SLC12A2: variants seen among roughly 807,000 people sequenced by gnomAD.
The protein encoded by SLC12A2 is solute carrier family 12 member 2.
Under a neutral mutation model 136.3 loss-of-function variants are expected in SLC12A2, and 67 were observed. The ratio of observed to expected loss-of-function variants is 0.49; its 90% CI spans 0.40 to 0.60. The LOEUF (loss-of-function observed/expected upper bound fraction) is 0.60. Among genes scored for constraint, SLC12A2 ranks in the 20% least tolerant of loss-of-function variants. The pLI, the probability that SLC12A2 is intolerant of heterozygous loss-of-function variation, is 0.00. For synonymous variants in SLC12A2, 619 were observed against 562.9 expected, an observed-to-expected ratio of 1.10 and a Z score of -1.41; for missense variants, 1,322 against 1,534.7, an observed-to-expected ratio of 0.86 and a Z score of 2.32.
intron 10 of SLC12A2, among the ~76,000 whole-genome samples, chr5:128,142,505 G>C (rs1371090206): frequency 6.6e-6 from 1 of 152,010 alleles, no homozygotes; most frequent in Non-Finnish European, 1.5e-5. Flanking sequence ...GCCCCTAGGA[G>C]GTAATGCTTT....
Position 128,181,007 on chromosome 5 carries a change from C to T in SLC12A2, c.3212+13C>T. 7.0e-7 allele frequency: 1 copy of T among 1,435,206 alleles called. No homozygotes were observed. Among genetic ancestry groups the T allele is most frequent in the South Asian group, 1.1e-5 (1 of 86,966 alleles). 88.9% of individuals were successfully genotyped at this position (1,435,206 alleles called of 1,614,324 possible). On this transcript the variant is annotated intron_variant, in intron 23 of 26. Coordinates refer to ENST00000262461, the MANE Select transcript of SLC12A2 (RefSeq NM_001046.3). ...ATGACCGGAGAGCGTAAGTTTATTT[C>T]ACATTGAAGGGCATGAATCTATTAG...
chr5:128,188,299 T>G lies in SLC12A2; in HGVS notation c.*1668T>G, dbSNP rs1159310167. On this transcript the variant is annotated 3_prime_UTR_variant, in exon 27 of 27. Coordinates refer to ENST00000262461, the MANE Select transcript of SLC12A2 (RefSeq NM_001046.3). ...AGGTTTTCACGAATCCTTTTTTTTT[T>G]TTTTTTTTTTTTTTGAGACGGAGTC... 1 of 145,178 alleles carries G rather than the reference T, an allele frequency of 6.9e-6. No individual in the cohort carries two copies. The highest frequency in any genetic ancestry group is 1.5e-5 in the Non-Finnish European group (1 of 66,270). The allele number at this position is 145,178 out of a possible 1,614,324, so 9.0% of individuals were successfully genotyped here. A position where few individuals can be genotyped will look rare whatever the true frequency, so the allele number is the denominator to read the frequency against.
intron 1 of SLC12A2, among the ~76,000 whole-genome samples, chr5:128,094,115 C>T (rs149838825): frequency 1.6e-3 from 248 of 151,818 alleles, no homozygotes; most frequent in African/African-American, 5.6e-3. Flanking sequence ...CCCTTAATGG[C>T]TTTAGTTAGT....
At chr5:128,165,268 T>C (rs1466287069) in intron 17 of SLC12A2, among the ~76,000 whole-genome samples, 1 of 152,218 alleles carries the variant, frequency 6.6e-6, no homozygotes, top group Non-Finnish European at 1.5e-5. Context: ...CCTTTTCCCT[T>C]TAAATTTTTT....
At position 128,134,181 on chromosome 5, in the gene SLC12A2, T is replaced by C. The variant is rs760124697; in HGVS notation, c.1205T>C (p.Met402Thr). The change falls in exon 6 of 27, where the codon ATG becomes ACG. Residue 402 changes from methionine to threonine, a missense_variant. Met to Thr is a moderately conservative substitution (Grantham distance 81). This residue lies in a region of SLC12A2 where 110 missense variants were observed against 114.5 expected (regional missense o/e 0.96). Coordinates refer to ENST00000262461, the MANE Select transcript of SLC12A2 (RefSeq NM_001046.3). ...TTTTTCTAGGAACATTCCATACTTA[T>C]GATAGATGAAATCAATGATATCCGA... ...VELLKEHSIL[M>T]IDEINDIRII... The C allele has an allele frequency of 6.4e-6, 10 of 1,570,378 alleles. No individual in the cohort carries two copies. Among genetic ancestry groups the C allele is most frequent in the East Asian group, 2.2e-5 (1 of 44,506 alleles).
At chr5:128,131,484 G>A (rs1762021347) in intron 5 of SLC12A2, among the ~76,000 whole-genome samples, 1 of 151,536 alleles carries the variant, frequency 6.6e-6, no homozygotes, top group Non-Finnish European at 1.5e-5. Flanking sequence ...ACGAGGTCAG[G>A]AGATCGAGAC....
intron 19 of SLC12A2, among the ~76,000 whole-genome samples, chr5:128,173,293 T>C (rs1389417272): frequency 6.6e-6 from 1 of 152,198 alleles, no homozygotes; most frequent in African/African-American, 2.4e-5. Flanking sequence ...ATTTCAATTA[T>C]TTCTTGCTCT....
chr5:128,106,102 A>C (rs968356431), intron 1 of SLC12A2, among the ~76,000 whole-genome samples: 1 of 152,122 alleles, frequency 6.6e-6, no homozygotes, highest in African/African-American at 2.4e-5. Flanking sequence ...ACTTCAAATC[A>C]TAATGCTACT....
intron 1 of SLC12A2, among the ~76,000 whole-genome samples, chr5:128,109,220 C>G (rs745525821): frequency 6.6e-6 from 1 of 152,176 alleles, no homozygotes; most frequent in South Asian, 2.1e-4. Context: ...CATCATTGTC[C>G]TGAGAAAGAG....
intron 4 of SLC12A2, among the ~76,000 whole-genome samples, chr5:128,115,092 T>C (rs957928276): frequency 1.3e-5 from 2 of 152,194 alleles, no homozygotes. Flanking sequence ...CATGATCTAA[T>C]AGCATTGCGT....
At chr5:128,094,407 A>G (rs758894980) in intron 1 of SLC12A2, among the ~76,000 whole-genome samples, 1 of 151,964 alleles carries the variant, frequency 6.6e-6, no homozygotes, top group Non-Finnish European at 1.5e-5. Flanking sequence ...TTAAGACCCA[A>G]AAGAACTAAA....
chr5:128,123,334 T>C (rs1177743050), intron 4 of SLC12A2, among the ~76,000 whole-genome samples: 1 of 152,178 alleles, frequency 6.6e-6, no homozygotes. Flanking sequence ...AAACTCCTTA[T>C]TTTTATTTGT....
intron 2 of SLC12A2, 115 bp from the exon 3 acceptor site, chr5:128,114,097 C>T: frequency 1.3e-6 from 1 of 749,668 alleles, no homozygotes; most frequent in East Asian, 2.5e-5. Context: ...AGATTTAAAA[C>T]TACATATCTT....
chr5:128,186,342 A>G (rs965231807), intron 26 of SLC12A2, among the ~76,000 whole-genome samples, 154 bp from the exon 27 acceptor site: 3 of 152,046 alleles, frequency 2.0e-5, no homozygotes, highest in African/African-American at 7.2e-5. Context: ...TTGTTATTCT[A>G]TTTGCAGAAT....
intron 22 of SLC12A2, among the ~76,000 whole-genome samples, 166 bp downstream of exon 22, chr5:128,178,855 C>A (rs1318863623): frequency 6.6e-6 from 1 of 152,192 alleles, no homozygotes; most frequent in Non-Finnish European, 1.5e-5. Flanking sequence ...GTTGTCTGGT[C>A]TCTTCAGTAT....
rs183849249 is a variant in SLC12A2, at chr5:128,106,180, A to C, written c.757-6634A>C. ...CTTCATTTAATAAACCATTACCCAT[A>C]AAATATTTATGTTGCCAATTTCTAC... On this transcript the variant is annotated intron_variant, in intron 1 of 26. Transcript: ENST00000262461. 2.8e-3 allele frequency among the ~76,000 whole-genome samples: 423 copies of C among 152,316 alleles called. 4 individuals are homozygous for C. Among genetic ancestry groups the C allele is most frequent in the African/African-American group, 1.0e-2 (415 of 41,582 alleles).
In SLC12A2 at chr5:128,115,494, A is replaced by G. The variant is rs142079029; in HGVS notation, c.1048+813A>G. On this transcript the variant is annotated intron_variant, in intron 4 of 26. Coordinates refer to ENST00000262461, the MANE Select transcript of SLC12A2 (RefSeq NM_001046.3). ...ACTATGAGGCCTCTCATTAGAGTCT[A>G]TAAGATCTGCCTTGTGAGATTTTTA... Among the ~76,000 whole-genome samples, 1,300 of 152,272 alleles carry G rather than the reference A, an allele frequency of 8.5e-3. 10 individuals are homozygous for G. The highest frequency in any genetic ancestry group is 0.013 in the Non-Finnish European group (873 of 68,004).
chr5:128,143,282 A>T (rs1435871371), intron 10 of SLC12A2, among the ~76,000 whole-genome samples: 1 of 152,174 alleles, frequency 6.6e-6, no homozygotes, highest in Non-Finnish European at 1.5e-5. Context: ...AATGGCCTTT[A>T]AAAAAGCATT....
At chr5:128,179,165 T>C (rs746065462) in intron 22 of SLC12A2, among the ~76,000 whole-genome samples, 10 of 152,288 alleles carry the variant, frequency 6.6e-5, no homozygotes, top group Non-Finnish European at 1.3e-4. Context: ...CACCCCCTTT[T>C]ATAATTACAG....
Sources: allele counts gnomAD v4.1 joint callset (sites outside exome capture counted in the v4.1 genomes callset), GRCh38; gene constraint gnomAD v4.1.1; regional missense constraint gnomAD v4.1.1; transcripts MANE v1.5; gene names NCBI Gene and HGNC (gene_info 2026-07-23, HGNC 2026-07-21).